The following DIAPH2 variants were observed in gnomAD, a reference collection of about 807,000 sequenced individuals.
The protein encoded by DIAPH2 is diaphanous related formin 2, also known as protein diaphanous homolog 2.
A neutral mutation model predicts 92.7 loss-of-function variants in DIAPH2; 35 were observed. That is an observed-to-expected ratio of 0.38 (90% CI 0.29 to 0.50). The LOEUF (loss-of-function observed/expected upper bound fraction) is 0.50, where lower values mean the gene tolerates loss of function less well. Among genes scored for constraint, DIAPH2 ranks in the 20% least tolerant of loss-of-function variants. The probability of loss-of-function intolerance (pLI) is 0.94; values close to 1 mark genes in which losing one functional copy is unlikely to be tolerated. For missense variants in DIAPH2, 701 were observed against 819.5 expected (o/e 0.86, Z 1.77); for synonymous variants, 301 against 280.4 (o/e 1.07, Z -0.73).
chrX:97,143,225 AT>A (rs776800898), intron 22 of DIAPH2, among the ~76,000 whole-genome samples: 5 of 111,287 alleles, frequency 4.5e-5, no homozygotes, highest in Non-Finnish European at 9.4e-5. Flanking sequence ...CTAGAAGCAT[AT>A]TTACTAACAT....
chrX:96,969,672 C>T (rs1342406651), intron 17 of DIAPH2, among the ~76,000 whole-genome samples: 3 of 111,257 alleles, frequency 2.7e-5, no homozygotes, highest in Non-Finnish European at 5.7e-5. Flanking sequence ...AGGATCATAT[C>T]GTCTGTGAGG....
chrX:97,379,377 G>C (rs2069532404), intron 24 of DIAPH2, among the ~76,000 whole-genome samples: 1 of 112,071 alleles, frequency 8.9e-6, no homozygotes, highest in African/African-American at 3.2e-5. Context: ...ACTTTTAAAT[G>C]ATTCTGTTAT....
chrX:97,335,771 G>T (rs2069052749), intron 23 of DIAPH2, among the ~76,000 whole-genome samples: 1 of 111,947 alleles, frequency 8.9e-6, no homozygotes, highest in African/African-American at 3.2e-5. Flanking sequence ...TAGTCTGAGA[G>T]TTTTTGGTTG....
intron 22 of DIAPH2, among the ~76,000 whole-genome samples, chrX:97,160,194 T>TC (rs2067358288): frequency 1.8e-5 from 2 of 111,485 alleles, no homozygotes; most frequent in East Asian, 5.6e-4. Context: ...TCTCCAAGAG[T>TC]CAGCTTCTTA....
At chrX:96,777,203 T>C (rs893204557) in intron 4 of DIAPH2, among the ~76,000 whole-genome samples, 2 of 111,822 alleles carry the variant, frequency 1.8e-5, no homozygotes, top group Non-Finnish European at 3.8e-5. Flanking sequence ...TTATCTTTAG[T>C]CATGTTTGAG....
intron 4 of DIAPH2, among the ~76,000 whole-genome samples, chrX:96,814,858 G>T (rs1191978377): frequency 9.0e-6 from 1 of 111,680 alleles, no homozygotes; most frequent in Admixed American, 9.5e-5. Flanking sequence ...CACCAGCGGA[G>T]ACTGCAGAAC....
At chrX:97,409,284 A>G (rs1466958268) in intron 25 of DIAPH2, among the ~76,000 whole-genome samples, 2 of 112,032 alleles carry the variant, frequency 1.8e-5, no homozygotes, top group Non-Finnish European at 3.8e-5. Context: ...CGATTAAATA[A>G]GTCTTAGACA....
chrX:97,418,832 C>G (rs989098813), intron 25 of DIAPH2, among the ~76,000 whole-genome samples: 14 of 111,883 alleles, frequency 1.3e-4, no homozygotes, highest in Non-Finnish European at 2.6e-4. Flanking sequence ...TCTTTTGGAA[C>G]TGGACTTTAT....
intron 4 of DIAPH2, among the ~76,000 whole-genome samples, chrX:96,826,484 A>G (rs1015044462): frequency 3.6e-5 from 4 of 111,427 alleles, no homozygotes; most frequent in African/African-American, 1.3e-4. Context: ...TATAAAGCAA[A>G]TAATAATTAC....
chrX:96,883,720 T>C (rs2065236315), intron 5 of DIAPH2, among the ~76,000 whole-genome samples: 1 of 110,891 alleles, frequency 9.0e-6, no homozygotes, highest in Non-Finnish European at 1.9e-5. Flanking sequence ...ACAGGGGACG[T>C]GAGTTCTTGA....
chrX:96,825,005 G>T (rs1054513842), intron 4 of DIAPH2, among the ~76,000 whole-genome samples: 4 of 107,028 alleles, frequency 3.7e-5, no homozygotes, highest in African/African-American at 1.4e-4. Context: ...GAGTGCATTG[G>T]CGTGATCTCA....
At chrX:97,521,886 G>A (rs1220136264) in intron 26 of DIAPH2, among the ~76,000 whole-genome samples, 1 of 112,076 alleles carries the variant, frequency 8.9e-6, no homozygotes, top group Non-Finnish European at 1.9e-5. Flanking sequence ...CCAACTTTGT[G>A]CATCTTTCTC....
At chrX:97,436,030 C>G (rs779714764) in intron 26 of DIAPH2, among the ~76,000 whole-genome samples, 1 of 110,902 alleles carries the variant, frequency 9.0e-6, no homozygotes, top group African/African-American at 3.3e-5. Context: ...TGGTCTCAAT[C>G]TCCTGACCTC....
chrX:96,777,918 C>G (rs1248454118), intron 4 of DIAPH2, among the ~76,000 whole-genome samples: 1 of 109,687 alleles, frequency 9.1e-6, no homozygotes. Flanking sequence ...TTTTAGGGTA[C>G]ATGTGCACAG....
chrX:97,023,801 C>T (rs2066313471), intron 17 of DIAPH2, among the ~76,000 whole-genome samples: 2 of 112,043 alleles, frequency 1.8e-5, no homozygotes, highest in South Asian at 3.7e-4. Flanking sequence ...TTTTAGATTC[C>T]GTGTTTTCTT....
intron 25 of DIAPH2, among the ~76,000 whole-genome samples, chrX:97,427,050 C>T (rs1017691194): frequency 4.6e-5 from 5 of 108,179 alleles, no homozygotes; most frequent in African/African-American, 1.7e-4. Flanking sequence ...TGGTGGCAGG[C>T]GCCTGTAATC....
intron 17 of DIAPH2, among the ~76,000 whole-genome samples, chrX:96,976,911 C>A (rs773751270): frequency 2.7e-4 from 30 of 111,093 alleles, no homozygotes; most frequent in Non-Finnish European, 4.5e-4. Context: ...AACCTCATAC[C>A]AACCCTAGGT....
intron 26 of DIAPH2, among the ~76,000 whole-genome samples, chrX:97,494,990 A>G (rs2070748993): frequency 8.9e-6 from 1 of 112,262 alleles, no homozygotes; most frequent in Admixed American, 9.5e-5. Context: ...TTTCTTTTCT[A>G]TCAGTGTCCC....
chrX:97,451,746 A>T (rs1387039193), intron 26 of DIAPH2, among the ~76,000 whole-genome samples: 2 of 111,453 alleles, frequency 1.8e-5, no homozygotes, highest in African/African-American at 6.5e-5. Flanking sequence ...TATTTTCTAA[A>T]TGGAACAATT....
Sources: gnomAD v4.1 joint callset for allele counts (sites outside exome capture counted in the v4.1 genomes callset) on GRCh38, gnomAD v4.1.1 for gene constraint, MANE v1.5 for transcripts, NCBI Gene and HGNC (gene_info 2026-07-23, HGNC 2026-07-21) for gene names.